NBAS: variants seen among roughly 807,000 people sequenced by gnomAD.
The protein encoded by NBAS is NBAS subunit of NRZ tethering complex.
A neutral mutation model predicts 302.5 loss-of-function variants in NBAS; 219 were observed. The observed-to-expected ratio is 0.72, with a 90% CI of 0.65 to 0.81. The LOEUF (loss-of-function observed/expected upper bound fraction) is 0.81, where lower values mean the gene tolerates loss of function less well. Among genes scored for constraint, NBAS ranks in the 30% least tolerant of loss-of-function variants. The pLI is 0.00. For missense variants in NBAS, 2,932 were observed against 2,841.6 expected (o/e 1.03, Z -0.72); for synonymous variants, 1,118 against 1,021.6 (o/e 1.09, Z -1.80).
chr2:15,197,893 C>T (rs1027039683), intron 48 of NBAS, among the ~76,000 whole-genome samples: 8 of 152,176 alleles, frequency 5.3e-5, no homozygotes, highest in Non-Finnish European at 1.0e-4. Context: ...TCCATGTTCC[C>T]TTTTAGTTTT....
the NBAS span, among the ~76,000 whole-genome samples, chr2:15,134,354 A>C: frequency 6.6e-6 from 1 of 152,224 alleles, no homozygotes. Flanking sequence ...CTGAGGCTTC[A>C]GACTTCCAGC....
chr2:15,495,081 C>T (rs145696620), intron 11 of NBAS, among the ~76,000 whole-genome samples: 371 of 152,280 alleles, frequency 2.4e-3, no homozygotes, highest in African/African-American at 8.2e-3. Flanking sequence ...TGCCAAAATG[C>T]TGACCAGGCA....
rs778364809 is a variant in NBAS at position 15,308,352 on chromosome 2, A to C, written c.4661T>G (p.Val1554Gly). 5.0e-6 allele frequency: 8 copies of C among 1,613,890 alleles called. No individual in the cohort carries two copies. The highest frequency in any genetic ancestry group is 1.3e-5 in the African/African-American group (1 of 74,928). The change falls in exon 40 of 52, where the codon GTG becomes GGG. Residue 1554 changes from valine (V) to glycine (G), a missense_variant and splice_region_variant. Transcript: ENST00000281513. The stretch of plus-strand genomic sequence containing the variant: ...TTCAAAGCACCGGTTAGCATCTAAC[A>C]CCTAGGAGGGAACATGTTAGAATTA... ...ALAYLLALPQ[V>G]LDANRCFEKQ...
the NBAS span, among the ~76,000 whole-genome samples, chr2:15,112,322 A>T: frequency 1.3e-5 from 2 of 152,128 alleles, no homozygotes; most frequent in East Asian, 3.8e-4. Flanking sequence ...TAAACATAAC[A>T]GATAATGCTT....
the NBAS span, among the ~76,000 whole-genome samples, chr2:15,080,105 A>C: frequency 6.6e-6 from 1 of 152,168 alleles, no homozygotes; most frequent in Non-Finnish European, 1.5e-5. Context: ...CCTTCCCCAG[A>C]AGCAAGTCCC....
intron 47 of NBAS, 139 bp downstream of exon 47, chr2:15,232,283 C>T: frequency 1.3e-6 from 1 of 752,662 alleles, no homozygotes; most frequent in Non-Finnish European, 2.3e-6. Context: ...AATACCATGT[C>T]TCCAAGTGCA....
chr2:15,234,454 T>TA lies in NBAS; in HGVS notation c.6146+90dup. The TA allele has an allele frequency of 3.7e-6, 5 of 1,348,958 alleles. No homozygotes were observed. The South Asian group carries it at 5.9e-5, about 16-fold the overall frequency. The allele number at this position is 1,348,958 out of a possible 1,614,324, so 83.6% of individuals were successfully genotyped here. A position where few individuals can be genotyped will look rare whatever the true frequency, so the allele number is the denominator to read the frequency against. ...CTTTTGTAAAGTCCTTCAAAACTTA[T>TA]AAAATGCTTTTACATACAGGATGAC... On this transcript the variant is annotated intron_variant, in intron 46 of 51. Transcript: ENST00000281513.
chr2:15,331,817 G>C (rs184006154), intron 35 of NBAS, among the ~76,000 whole-genome samples: 5 of 152,286 alleles, frequency 3.3e-5, no homozygotes, highest in Admixed American at 1.3e-4. Flanking sequence ...CTGTGACTAT[G>C]TAACATGCCA....
intron 11 of NBAS, among the ~76,000 whole-genome samples, chr2:15,493,970 C>A (rs966522596): frequency 6.6e-6 from 1 of 151,708 alleles, no homozygotes; most frequent in Non-Finnish European, 1.5e-5. Flanking sequence ...GGATTACAGG[C>A]ACCTGCCACC....
chr2:15,008,572 T>C, the NBAS span, among the ~76,000 whole-genome samples: 3 of 152,178 alleles, frequency 2.0e-5, no homozygotes, highest in African/African-American at 4.8e-5. Context: ...GCCTCAGAAA[T>C]CACTCTGGAG....
chr2:15,439,939 C>T (rs1351517806), intron 21 of NBAS, among the ~76,000 whole-genome samples: 4 of 152,256 alleles, frequency 2.6e-5, no homozygotes, highest in African/African-American at 9.6e-5. Flanking sequence ...CGCAAGGCGG[C>T]AGTGAGGCTG....
intron 24 of NBAS, 92 bp from the exon 25 acceptor site, chr2:15,415,811 T>C: frequency 7.5e-7 from 1 of 1,341,372 alleles, no homozygotes; most frequent in Non-Finnish European, 1.1e-6. Context: ...AGCTTACAGG[T>C]CCTCAGACTG....
the NBAS span, among the ~76,000 whole-genome samples, chr2:14,828,613 A>G: frequency 6.6e-6 from 1 of 152,216 alleles, no homozygotes; most frequent in African/African-American, 2.4e-5. Flanking sequence ...TGTGCAAAAA[A>G]AATAAATTCT....
At chr2:15,119,028 T>G in the NBAS span, among the ~76,000 whole-genome samples, 5 of 152,062 alleles carry the variant, frequency 3.3e-5, no homozygotes, top group Non-Finnish European at 7.4e-5. Flanking sequence ...GGATGAGGTG[T>G]GCTGGCCTCA....
chr2:15,236,527 CAAAAAAAAAAA>C (rs1167993098), intron 45 of NBAS, among the ~76,000 whole-genome samples: 854 of 28,360 alleles, frequency 0.03, 16 homozygotes, highest in African/African-American at 0.081. Context: ...GACCCTGTCT[CAAAAAAAAAAA>C]AAAAAAAAAA....
the NBAS span, among the ~76,000 whole-genome samples, chr2:15,018,641 T>C: frequency 1.4e-5 from 2 of 139,202 alleles, no homozygotes; most frequent in Non-Finnish European, 3.0e-5. Flanking sequence ...TTTTTCCTCT[T>C]TATTCAAATC....
intron 38 of NBAS, among the ~76,000 whole-genome samples, chr2:15,310,575 G>T (rs10193872): frequency 0.55 from 83,467 of 152,118 alleles, 24,420 homozygotes; most frequent in East Asian, 0.85. Context: ...AACAAATAAT[G>T]TAAAATGTAA....
chr2:15,210,055 C>T (rs530901403), intron 48 of NBAS, among the ~76,000 whole-genome samples: 1 of 152,046 alleles, frequency 6.6e-6, no homozygotes, highest in Non-Finnish European at 1.5e-5. Flanking sequence ...CTCCAGAACA[C>T]TGGACTGGAC....
intron 12 of NBAS, among the ~76,000 whole-genome samples, chr2:15,481,078 T>G (rs185197590): frequency 6.6e-6 from 1 of 152,220 alleles, no homozygotes; most frequent in Non-Finnish European, 1.5e-5. Flanking sequence ...CCATAAAATA[T>G]GTGACCTTTT....
Sources: allele counts gnomAD v4.1 joint callset (sites outside exome capture counted in the v4.1 genomes callset), GRCh38; gene constraint gnomAD v4.1.1; transcripts MANE v1.5; gene names NCBI Gene and HGNC (gene_info 2026-07-23, HGNC 2026-07-21).